Variants in SSBP3 observed in about 807,000 individuals in gnomAD.
SSBP3 encodes single-stranded DNA-binding protein 3.
Under a neutral mutation model 69.6 loss-of-function variants are expected in SSBP3, and 5 were observed. The observed-to-expected ratio is 0.07, with a 90% CI of 0.04 to 0.15. SSBP3 has a LOEUF of 0.15. SSBP3 is among the 10% of genes least tolerant of loss of function. The pLI is 1.00. For missense variants in SSBP3, 312 were observed against 534.0 expected, an observed-to-expected ratio of 0.58 and a Z score of 4.10; for synonymous variants, 196 against 193.4, an observed-to-expected ratio of 1.01 and a Z score of -0.11.
intron 4 of SSBP3, among the ~76,000 whole-genome samples, chr1:54,339,224 T>C (rs763417994): frequency 1.3e-5 from 2 of 152,122 alleles, no homozygotes; most frequent in African/African-American, 2.4e-5. Flanking sequence ...TCTTATCCCA[T>C]GGGTTACTAG....
chr1:54,373,886 T>C (rs983796638), intron 4 of SSBP3, among the ~76,000 whole-genome samples: 3 of 152,138 alleles, frequency 2.0e-5, no homozygotes, highest in Non-Finnish European at 4.4e-5. Flanking sequence ...TGCCCTGGGC[T>C]GACCGTGGGA....
chr1:54,262,780 A>G (rs1469209191), intron 5 of SSBP3, among the ~76,000 whole-genome samples: 1 of 152,122 alleles, frequency 6.6e-6, no homozygotes, highest in Non-Finnish European at 1.5e-5. Context: ...AGCTCTTTCC[A>G]CTGCACTGCA....
chr1:54,268,786 GAC>G (rs1645144859), intron 5 of SSBP3, among the ~76,000 whole-genome samples: 1 of 152,204 alleles, frequency 6.6e-6, no homozygotes, highest in African/African-American at 2.4e-5. Flanking sequence ...GACTCTGGGA[GAC>G]ACAGATGTGG....
intron 14 of SSBP3, among the ~76,000 whole-genome samples, chr1:54,235,442 C>T (rs954985264): frequency 4.6e-4 from 63 of 136,570 alleles, no homozygotes; most frequent in Middle Eastern, 7.5e-3. Context: ...CCACCATGCC[C>T]GGCTGATTTT....
intron 9 of SSBP3, among the ~76,000 whole-genome samples, chr1:54,249,903 T>C (rs1191802079): frequency 6.6e-6 from 1 of 152,158 alleles, no homozygotes; most frequent in East Asian, 1.9e-4. Flanking sequence ...ATCCATGGGC[T>C]GGGCGGTGGC....
chr1:54,232,764 G>C (rs1321446259), intron 14 of SSBP3, among the ~76,000 whole-genome samples: 1 of 152,176 alleles, frequency 6.6e-6, no homozygotes, highest in African/African-American at 2.4e-5. Flanking sequence ...GACTGGTTTT[G>C]GTGGAGACGG....
At chr1:54,334,661 G>A (rs994729201) in intron 4 of SSBP3, among the ~76,000 whole-genome samples, 1 of 152,190 alleles carries the variant, frequency 6.6e-6, no homozygotes, top group African/African-American at 2.4e-5. Context: ...TTTTAAGAAT[G>A]GAAGAATAAT....
chr1:54,345,387 G>A lies in SSBP3; in HGVS notation c.276+56474C>T, dbSNP rs145485054. On this transcript the variant is annotated intron_variant, in intron 4 of 17. Transcript: ENST00000610401. ...AAGAGCCGCACTCTAAAAACCACCCGAGTCTCAGCCCTCCCATCCAGGGAA... is the reference window on the plus strand; with the variant it reads ...AAGAGCCGCACTCTAAAAACCACCCAAGTCTCAGCCCTCCCATCCAGGGAA... 5.4e-3 allele frequency among the ~76,000 whole-genome samples: 816 copies of A among 152,074 alleles called. 11 individuals are homozygous for A. Among genetic ancestry groups the A allele is most frequent in the Admixed American group, 0.036 (544 of 15,264 alleles).
intron 5 of SSBP3, among the ~76,000 whole-genome samples, chr1:54,259,434 G>A (rs36120021): frequency 0.27 from 40,453 of 152,118 alleles, 5,853 homozygotes; most frequent in Non-Finnish European, 0.33. Flanking sequence ...CAGTAAGCGC[G>A]GAGGGCTGCC....
intron 4 of SSBP3, among the ~76,000 whole-genome samples, chr1:54,398,479 G>C (rs937662299): frequency 1.3e-5 from 2 of 152,194 alleles, no homozygotes; most frequent in Admixed American, 6.5e-5. Context: ...CTTCCCTGCA[G>C]GTCCACCCTG....
intron 4 of SSBP3, 96 bp downstream of exon 4, chr1:54,401,765 G>C (rs1251131373): frequency 1.0e-6 from 1 of 999,000 alleles, no homozygotes. Flanking sequence ...AGCAAATAAA[G>C]ACCACTGCGA....
At chr1:54,408,226 G>A (rs956338922), upstream of SSBP3, among the ~76,000 whole-genome samples, 1 of 152,186 alleles carries the variant, frequency 6.6e-6, no homozygotes, top group African/African-American at 2.4e-5. Context: ...TTTAAAGGTT[G>A]TTTCGTGAAT....
At chr1:54,404,189 G>C (rs936275887) in intron 3 of SSBP3, among the ~76,000 whole-genome samples, 36 of 152,096 alleles carry the variant, frequency 2.4e-4, no homozygotes, top group African/African-American at 8.0e-4. Flanking sequence ...GGAAGGGACA[G>C]GCTAGTTGTA....
At chr1:54,323,789 G>A (rs1310373500) in intron 4 of SSBP3, among the ~76,000 whole-genome samples, 1 of 152,160 alleles carries the variant, frequency 6.6e-6, no homozygotes, top group African/African-American at 2.4e-5. Flanking sequence ...TAACCCAAAA[G>A]TGAGGCTGCA....
intron 13 of SSBP3, among the ~76,000 whole-genome samples, chr1:54,240,107 T>TGTGTGC (rs1553123256): frequency 1.5e-5 from 2 of 134,572 alleles, no homozygotes; most frequent in Non-Finnish European, 3.1e-5. Flanking sequence ...CGCGTGTGCG[T>TGTGTGC]GCGCGCGCGC....
At chr1:54,270,635 T>C (rs1331591721) in intron 5 of SSBP3, among the ~76,000 whole-genome samples, 1 of 152,182 alleles carries the variant, frequency 6.6e-6, no homozygotes, top group Non-Finnish European at 1.5e-5. Context: ...GGAGAAACCC[T>C]GAGGCAGCTC....
At chr1:54,300,878 A>G (rs1335588471) in intron 4 of SSBP3, among the ~76,000 whole-genome samples, 1 of 152,220 alleles carries the variant, frequency 6.6e-6, no homozygotes. Flanking sequence ...TTTTCCCACA[A>G]ATCTGCGTTA....
In SSBP3 at chr1:54,336,790, G is replaced by A. The variant is rs569659771; in HGVS notation, c.277-55263C>T. Among the ~76,000 whole-genome samples the A allele has an allele frequency of 7.9e-5, 12 of 152,214 alleles. No homozygotes were observed. In the South Asian group the frequency reaches 2.3e-3, roughly 29 times the overall value. ...GCTCACAAGGATGCTGGGGACACTC[G>A]AGCTATATGCAGAGGGTCCCAGAAG... is the stretch of plus-strand genomic sequence containing the variant. On this transcript the variant is annotated intron_variant, in intron 4 of 17. Transcript: ENST00000610401.
exon 9 of SSBP3, chr1:54,251,680 A>G: frequency 6.4e-7 from 1 of 1,556,596 alleles, no homozygotes. Context: ...TGATCCTCCC[A>G]TGTTGGGGTG....
Sources: gnomAD v4.1 joint callset for allele counts (sites outside exome capture counted in the v4.1 genomes callset) on GRCh38, gnomAD v4.1.1 for gene constraint, MANE v1.5 for transcripts, NCBI Gene and HGNC (gene_info 2026-07-23, HGNC 2026-07-21) for gene names.